CNOT6L: variants seen among roughly 807,000 people sequenced by gnomAD.
The protein encoded by CNOT6L is CCR4-NOT transcription complex subunit 6 like.
Under a neutral mutation model 64.0 loss-of-function variants are expected in CNOT6L, and 7 were observed. The observed-to-expected ratio is 0.11, with a 90% CI of 0.06 to 0.21. The LOEUF is 0.21. CNOT6L is among the 10% of genes least tolerant of loss of function. The probability of loss-of-function intolerance (pLI) is 1.00; values close to 1 mark genes in which losing one functional copy is unlikely to be tolerated. For synonymous variants in CNOT6L, 193 were observed against 243.4 expected (o/e 0.79, Z 1.93); for missense variants, 245 against 669.0 (o/e 0.37, Z 6.99).
intron 1 of CNOT6L, among the ~76,000 whole-genome samples, chr4:77,783,118 G>C (rs1052854705): frequency 9.3e-5 from 12 of 129,274 alleles, no homozygotes; most frequent in African/African-American, 3.5e-4. Context: ...TTAATTCCAA[G>C]TGTTCATGAC....
chr4:77,815,663 C>T (rs1049985921), intron 1 of CNOT6L, among the ~76,000 whole-genome samples: 5 of 152,162 alleles, frequency 3.3e-5, no homozygotes, highest in South Asian at 2.1e-4. Context: ...TCAAATAAGA[C>T]TCTGTGACAA....
At chr4:77,729,269 T>A (rs968925510) in intron 9 of CNOT6L, among the ~76,000 whole-genome samples, 188 bp from the exon 10 acceptor site, 1 of 152,210 alleles carries the variant, frequency 6.6e-6, no homozygotes, top group Non-Finnish European at 1.5e-5. Flanking sequence ...AATCCTACTA[T>A]GGGAATTACT....
At chr4:77,761,665 T>C (rs1264849636) in intron 4 of CNOT6L, among the ~76,000 whole-genome samples, 7 of 152,134 alleles carry the variant, frequency 4.6e-5, no homozygotes, top group African/African-American at 1.7e-4. Context: ...AAATCTACAG[T>C]TAACATTAAT....
At position 77,716,193 on chromosome 4, in the gene CNOT6L, G is replaced by A. The variant is rs1256362910; in HGVS notation, c.*4238C>T. On this transcript the variant is annotated 3_prime_UTR_variant, in exon 12 of 12. Transcript: ENST00000504123. ...AATTCACATTTCTGTCAAAATGTAA[G>A]TATGTATGAGTGCTATTTTGAAAAT... 2 of 152,102 alleles carry A rather than the reference G, an allele frequency of 1.3e-5. No homozygotes were observed. Among genetic ancestry groups the A allele is most frequent in the Admixed American group, 1.3e-4 (2 of 15,240 alleles). 9.4% of individuals were successfully genotyped at this position (152,102 alleles called of 1,614,324 possible). A position where few individuals can be genotyped will look rare whatever the true frequency, so the allele number is the denominator to read the frequency against.
intron 7 of CNOT6L, chr4:77,742,572 G>A: frequency 2.3e-6 from 1 of 426,320 alleles, no homozygotes; most frequent in Non-Finnish European, 4.3e-6. Context: ...CCAATTTACA[G>A]TTCACTCCAT....
At chr4:77,755,020 G>T (rs1270753580) in intron 5 of CNOT6L, among the ~76,000 whole-genome samples, 1 of 149,432 alleles carries the variant, frequency 6.7e-6, no homozygotes, top group Non-Finnish European at 1.5e-5. Context: ...TCAACAAATT[G>T]GACTGGAGTA....
At chr4:77,763,088 G>T (rs1437073776) in intron 4 of CNOT6L, among the ~76,000 whole-genome samples, 1 of 151,942 alleles carries the variant, frequency 6.6e-6, no homozygotes, top group African/African-American at 2.4e-5. Flanking sequence ...GAAAAATATG[G>T]GAAAAACCTA....
intron 1 of CNOT6L, among the ~76,000 whole-genome samples, chr4:77,814,100 C>T (rs184604819): frequency 3.3e-5 from 5 of 152,164 alleles, no homozygotes; most frequent in African/African-American, 7.2e-5. Flanking sequence ...CGTGAAAACA[C>T]GGTAAGTGAA....
chr4:77,819,672 AGGC>A (rs1238585261), upstream of CNOT6L: 10 of 139,310 alleles, frequency 7.2e-5, no homozygotes, highest in Non-Finnish European at 1.4e-4. Context: ...GCGGCGGGGG[AGGC>A]GGCGGCGGCG....
At chr4:77,726,014 C>T (rs752287597) in intron 11 of CNOT6L, 153 bp downstream of exon 11, 38 of 662,472 alleles carry the variant, frequency 5.7e-5, no homozygotes, top group Non-Finnish European at 7.8e-5. Flanking sequence ...ACCCAATAAA[C>T]CTACTTATAT....
At chr4:77,784,120 G>A (rs1336560847) in intron 1 of CNOT6L, among the ~76,000 whole-genome samples, 1 of 152,076 alleles carries the variant, frequency 6.6e-6, no homozygotes, top group Non-Finnish European at 1.5e-5. Context: ...TGAGGGCATA[G>A]TCTAATCGTC....
At chr4:77,808,462 C>CA (rs1191618329) in intron 1 of CNOT6L, among the ~76,000 whole-genome samples, 7,101 of 59,284 alleles carry the variant, frequency 0.12, 347 homozygotes, top group African/African-American at 0.21. Context: ...TCTGCCATCT[C>CA]AAAAAAAAAA....
At chr4:77,779,058 A>AC (rs56791903) in intron 1 of CNOT6L, among the ~76,000 whole-genome samples, 76 of 96,382 alleles carry the variant, frequency 7.9e-4, no homozygotes, top group African/African-American at 2.6e-3. Context: ...AAAAAAAAAA[A>AC]AAAACAAAAA....
chr4:77,785,464 T>A (rs761443540), intron 1 of CNOT6L, among the ~76,000 whole-genome samples: 1 of 151,982 alleles, frequency 6.6e-6, no homozygotes, highest in East Asian at 1.9e-4. Context: ...TCTTTGAAAT[T>A]TGAAGGAAAA....
At chr4:77,722,338 A>T (rs911731642) in intron 11 of CNOT6L, among the ~76,000 whole-genome samples, 2 of 151,164 alleles carry the variant, frequency 1.3e-5, no homozygotes, top group African/African-American at 4.9e-5. Context: ...AGGCGGGCAG[A>T]TCACTTGAGG....
chr4:77,819,766 CGGGCG>C (rs571445224), upstream of CNOT6L, among the ~76,000 whole-genome samples: 89 of 129,314 alleles, frequency 6.9e-4, no homozygotes, highest in African/African-American at 2.4e-3. Context: ...GGATGCGGGG[CGGGCG>C]GGCCGGGCCG....
At chr4:77,802,189 G>T (rs1731660380) in intron 1 of CNOT6L, among the ~76,000 whole-genome samples, 1 of 152,022 alleles carries the variant, frequency 6.6e-6, no homozygotes, top group Admixed American at 6.6e-5. Context: ...ACTATTAATA[G>T]TAAAAATTAC....
intron 4 of CNOT6L, among the ~76,000 whole-genome samples, chr4:77,764,566 C>T (rs927283924): frequency 6.6e-6 from 1 of 152,164 alleles, no homozygotes; most frequent in Admixed American, 6.5e-5. Flanking sequence ...TGCAGGAGAT[C>T]CAAGAACTGG....
Position 77,774,611 on chromosome 4 carries a change from A to G in CNOT6L, c.233T>C (p.Leu78Pro). The G allele has an allele frequency of 6.2e-7, 1 of 1,613,752 alleles. No individual in the cohort carries two copies. Among genetic ancestry groups the G allele is most frequent in the Non-Finnish European group, 8.5e-7 (1 of 1,179,754 alleles). Residue 78 changes from leucine to proline, a missense_variant, in exon 3 of 12, where the codon CTT (leucine) becomes CCT (proline). This residue lies in a region of CNOT6L where 78 missense variants were observed against 137.6 expected (regional missense o/e 0.57). Coordinates refer to ENST00000504123, the MANE Select transcript of CNOT6L (RefSeq NM_144571.3). The stretch of plus-strand genomic sequence containing the variant: ...CAGATCCAGGTAAACCAGATTATGA[A>G]GCTTGGCAATATCAGGTGGAATGCG... ...LSRIPPDIAK[L>P]HNLVYLDLSS...
Sources: allele counts gnomAD v4.1 joint callset (sites outside exome capture counted in the v4.1 genomes callset), GRCh38; gene constraint gnomAD v4.1.1; regional missense constraint gnomAD v4.1.1; transcripts MANE v1.5; gene names NCBI Gene and HGNC (gene_info 2026-07-23, HGNC 2026-07-21).